TXNDC15: variants seen among roughly 807,000 people sequenced by gnomAD.
The protein encoded by TXNDC15 is thioredoxin domain-containing protein 15.
Under a neutral mutation model 35.0 loss-of-function variants are expected in TXNDC15, and 24 were observed. The observed-to-expected ratio is 0.68, with a 90% CI of 0.50 to 0.96. The LOEUF is 0.96. TXNDC15 is among the 40% of genes least tolerant of loss of function. The pLI is 0.00. For synonymous variants in TXNDC15, 169 were observed against 174.0 expected (o/e 0.97, Z 0.23); for missense variants, 385 against 453.3 (o/e 0.85, Z 1.37).
intron 1 of TXNDC15, among the ~76,000 whole-genome samples, chr5:134,887,059 A>G (rs1488483347): frequency 6.6e-6 from 1 of 152,246 alleles, no homozygotes. Flanking sequence ...AAGTGTTTAT[A>G]TTCTATTTTC....
Position 134,901,428 on chromosome 5 carries a change from C to T in TXNDC15, c.*1743C>T, listed in dbSNP as rs1411966662. ...GAGGCATAGAGAGTTAGATAACTTGCCCAGGTTACACAGATTGTAAGTTGA... is the reference window on the plus strand; with the variant it reads ...GAGGCATAGAGAGTTAGATAACTTGTCCAGGTTACACAGATTGTAAGTTGA... On this transcript the variant is annotated 3_prime_UTR_variant, in exon 5 of 5. Transcript: ENST00000358387. 1.3e-5 allele frequency: 2 copies of T among 152,098 alleles called. No homozygotes were observed. The highest frequency in any genetic ancestry group is 1.3e-4 in the Admixed American group (2 of 15,264). 9.4% of individuals were successfully genotyped at this position (152,098 alleles called of 1,614,324 possible). A position where few individuals can be genotyped will look rare whatever the true frequency, so the allele number is the denominator to read the frequency against.
intron 1 of TXNDC15, among the ~76,000 whole-genome samples, chr5:134,875,680 T>G (rs1561895366): frequency 6.6e-6 from 1 of 151,596 alleles, no homozygotes; most frequent in Non-Finnish European, 1.5e-5. Flanking sequence ...TTATTTTTAT[T>G]TTTTTTTGAG....
chr5:134,875,701 G>T (rs983973928), intron 1 of TXNDC15, among the ~76,000 whole-genome samples: 1 of 151,536 alleles, frequency 6.6e-6, no homozygotes, highest in Non-Finnish European at 1.5e-5. Flanking sequence ...ATGGAGTCTC[G>T]CTCTGTTGCC....
chr5:134,885,517 T>C (rs896992586), intron 1 of TXNDC15, among the ~76,000 whole-genome samples: 87 of 152,340 alleles, frequency 5.7e-4, no homozygotes, highest in African/African-American at 2.0e-3. Flanking sequence ...TTTACTCACA[T>C]GCATGTGATG....
At position 134,900,280 on chromosome 5, in the gene TXNDC15, G is replaced by C. The variant is rs1334332950; in HGVS notation, c.*595G>C. On this transcript the variant is annotated 3_prime_UTR_variant, in exon 5 of 5. Coordinates refer to ENST00000358387, the MANE Select transcript of TXNDC15 (RefSeq NM_024715.4). ...TGGGTAAGGGAGATGTTAGGAGAAA[G>C]GAAATGCTGTAACTAAAGCTCAATT... 6.6e-6 allele frequency: 1 copy of C among 152,276 alleles called. No individual in the cohort carries two copies. The highest frequency in any genetic ancestry group is 2.4e-5 in the African/African-American group (1 of 41,440). 9.4% of individuals were successfully genotyped at this position (152,276 alleles called of 1,614,324 possible).
chr5:134,894,746 T>C (rs911939492), intron 3 of TXNDC15, among the ~76,000 whole-genome samples: 9 of 152,284 alleles, frequency 5.9e-5, no homozygotes, highest in Non-Finnish European at 1.3e-4. Flanking sequence ...GCCTGAGTTA[T>C]AAACTGTTCT....
At chr5:134,881,625 C>A (rs1253834653) in intron 1 of TXNDC15, among the ~76,000 whole-genome samples, 1 of 138,296 alleles carries the variant, frequency 7.2e-6, no homozygotes, top group Non-Finnish European at 1.6e-5. Context: ...ATTTCTCAAT[C>A]TTTTCCCCAC....
intron 2 of TXNDC15, chr5:134,892,098 A>AT (rs1034582288): frequency 6.6e-6 from 1 of 151,984 alleles, no homozygotes; most frequent in African/African-American, 2.4e-5. Context: ...ATGAAAATTG[A>AT]TTTTTGAGTA....
chr5:134,888,395 G>A (rs1198063236), intron 2 of TXNDC15, among the ~76,000 whole-genome samples: 2 of 152,088 alleles, frequency 1.3e-5, no homozygotes, highest in African/African-American at 4.8e-5. Flanking sequence ...TTTTCAGATG[G>A]CCTAAACCTA....
In TXNDC15 at chr5:134,888,052, CGGAATCTGACGCAGCCCCGACAGA is replaced by C. The variant is rs1750314388; in HGVS notation, c.465_488del (p.Glu155_Glu162del). 2.5e-6 allele frequency: 4 copies of C among 1,614,106 alleles called. No homozygotes were observed. Among genetic ancestry groups the C allele is most frequent in the Non-Finnish European group, 3.4e-6 (4 of 1,180,020 alleles). ...GAGTATTACACAGAGCCAGAAGTGG[CGGAATCTGACGCAGCCCCGACAGA>C]GGACTCCAATAACACTGAAAGTCTG... is the stretch of plus-strand genomic sequence containing the variant. On this transcript the variant is annotated inframe_deletion, in exon 2 of 5. Transcript: ENST00000358387.
At position 134,893,434 on chromosome 5, in the gene TXNDC15, T is replaced by G. The variant is rs538565705; in HGVS notation, c.592-58T>G. The G allele has an allele frequency of 1.9e-5, 31 of 1,603,286 alleles. No homozygotes were observed. The East Asian group carries it at 6.0e-4, about 31-fold the overall frequency. ...AGCAGTGTGTCCTGTTTCTTGGGTA[T>G]CCTTTCAGAAAAATGTACTTTTACT... On this transcript the variant is annotated intron_variant, in intron 2 of 4. Transcript: ENST00000358387.
At chr5:134,898,305 C>G (rs1320885827) in intron 4 of TXNDC15, among the ~76,000 whole-genome samples, 1 of 152,052 alleles carries the variant, frequency 6.6e-6, no homozygotes, top group East Asian at 1.9e-4. Context: ...TAGATGCTAT[C>G]TTAGTTCCTT....
chr5:134,889,755 C>A (rs556823008), intron 2 of TXNDC15, among the ~76,000 whole-genome samples: 1 of 152,216 alleles, frequency 6.6e-6, no homozygotes, highest in East Asian at 1.9e-4. Flanking sequence ...GGTTCCAGAC[C>A]ACTGTGATAA....
At chr5:134,882,445 G>A (rs1330967737) in intron 1 of TXNDC15, among the ~76,000 whole-genome samples, 2 of 152,232 alleles carry the variant, frequency 1.3e-5, no homozygotes, top group Non-Finnish European at 2.9e-5. Flanking sequence ...CAGGGTGGCG[G>A]CCGGGCAGAG....
At chr5:134,878,633 C>G (rs1750084678) in intron 1 of TXNDC15, among the ~76,000 whole-genome samples, 1 of 152,232 alleles carries the variant, frequency 6.6e-6, no homozygotes, top group South Asian at 2.1e-4. Flanking sequence ...ACTTGTCCTT[C>G]AGACAACTTC....
At chr5:134,884,688 T>A (rs901060307) in intron 1 of TXNDC15, among the ~76,000 whole-genome samples, 1 of 152,160 alleles carries the variant, frequency 6.6e-6, no homozygotes, top group South Asian at 2.1e-4. Flanking sequence ...TAATATCTTA[T>A]ATCTTGATAT....
intron 1 of TXNDC15, 42 bp downstream of exon 1, chr5:134,874,572 G>C (rs1749993224): frequency 2.0e-6 from 3 of 1,509,758 alleles, no homozygotes; most frequent in Non-Finnish European, 1.8e-6. Context: ...GATGGGGCGA[G>C]CTGAGGTCCA....
intron 1 of TXNDC15, among the ~76,000 whole-genome samples, chr5:134,884,578 T>C (rs1305673288): frequency 6.6e-6 from 1 of 151,640 alleles, no homozygotes. Flanking sequence ...TATTTAGTTA[T>C]TTTTTTGAGA....
chr5:134,882,566 TGAA>T (rs1561897605), intron 1 of TXNDC15, among the ~76,000 whole-genome samples: 1 of 152,030 alleles, frequency 6.6e-6, no homozygotes, highest in Non-Finnish European at 1.5e-5. Context: ...GAGCACTGAG[TGAA>T]GGAGACTCCT....
Sources: gnomAD v4.1 joint callset for allele counts (sites outside exome capture counted in the v4.1 genomes callset) on GRCh38, gnomAD v4.1.1 for gene constraint, MANE v1.5 for transcripts, NCBI Gene and HGNC (gene_info 2026-07-23, HGNC 2026-07-21) for gene names.